Variants in HERC2 observed in about 807,000 individuals in gnomAD.
The protein encoded by HERC2 is HECT and RLD domain containing E3 ubiquitin protein ligase 2, also known as E3 ubiquitin-protein ligase HERC2.
In HERC2, 102 loss-of-function variants were observed where a neutral mutation model predicts 537.7. The observed-to-expected ratio is 0.19, with a 90% confidence interval of 0.16 to 0.22. The LOEUF is 0.22. Ranked by LOEUF, HERC2 falls within the 10% of genes least tolerant of loss-of-function variation. The probability of loss-of-function intolerance (pLI) is 1.00; values close to 1 mark genes in which losing one functional copy is unlikely to be tolerated. For missense variants in HERC2, 4,236 were observed against 6,198.2 expected, an observed-to-expected ratio of 0.68 and a Z score of 10.63; for synonymous variants, 2,224 against 2,466.2, an observed-to-expected ratio of 0.90 and a Z score of 2.91.
chr15:28,194,986 G>A (rs538647487), intron 52 of HERC2, among the ~76,000 whole-genome samples: 62 of 151,432 alleles, frequency 4.1e-4, no homozygotes, highest in African/African-American at 1.5e-3. Context: ...AGCCCGGGAG[G>A]TGTCAGTTAC....
At chr15:28,186,417 T>A (rs1396304223) in intron 56 of HERC2, among the ~76,000 whole-genome samples, 160 bp downstream of exon 56, 4 of 152,210 alleles carry the variant, frequency 2.6e-5, no homozygotes, top group East Asian at 1.9e-4. Flanking sequence ...CTTTATTTTT[T>A]AAAAAATACA....
chr15:28,206,623 G>C (rs897384573), intron 44 of HERC2, among the ~76,000 whole-genome samples: 5 of 151,704 alleles, frequency 3.3e-5, no homozygotes, highest in African/African-American at 1.2e-4. Context: ...CACAAGGTCA[G>C]GATATCAAGA....
chr15:28,156,882 G>A lies in HERC2; in HGVS notation c.10747-4052C>T, dbSNP rs552955567. Among the ~76,000 whole-genome samples, 12 of 152,278 alleles carry A rather than the reference G, an allele frequency of 7.9e-5. No homozygotes were observed. In the South Asian group the frequency reaches 2.3e-3, roughly 29 times the overall value. ...TTGCCCATTCAGTATGATATTGGCT[G>A]TGGGTTTGTCATAAATAGCTCATTA... On this transcript the variant is annotated intron_variant, in intron 69 of 92. Coordinates refer to ENST00000261609, the MANE Select transcript of HERC2 (RefSeq NM_004667.6).
rs910385194 is a variant in HERC2 at position 28,269,173 on chromosome 15, C to A, written c.1446+75G>T. On this transcript the variant is annotated intron_variant, in intron 11 of 92. Coordinates refer to ENST00000261609, the MANE Select transcript of HERC2 (RefSeq NM_004667.6). ...AGAAATCAAACGCCTTAAAGAAACACCAGAGCTTGTGCATCTGTAGGACAG... is the reference window on the plus strand; with the variant it reads ...AGAAATCAAACGCCTTAAAGAAACAACAGAGCTTGTGCATCTGTAGGACAG... 1.3e-5 allele frequency: 15 copies of A among 1,190,490 alleles called. No individual in the cohort carries two copies. The African/African-American group carries it at 2.3e-4, about 18-fold the overall frequency. The allele number at this position is 1,190,490 out of a possible 1,614,324, so 73.7% of individuals were successfully genotyped here.
intron 64 of HERC2, among the ~76,000 whole-genome samples, chr15:28,175,192 C>G (rs899493659): frequency 6.6e-6 from 1 of 151,370 alleles, no homozygotes; most frequent in Admixed American, 6.6e-5. Context: ...TCGCCAGTTA[C>G]CAATTCTCTA....
At chr15:28,119,533 A>C (rs1242864542) in intron 86 of HERC2, among the ~76,000 whole-genome samples, 2 of 151,596 alleles carry the variant, frequency 1.3e-5, no homozygotes, top group Admixed American at 6.5e-5. Context: ...GGCTCACTAC[A>C]ACCTCTGCCT....
intron 17 of HERC2, among the ~76,000 whole-genome samples, 188 bp from the exon 18 acceptor site, chr15:28,256,505 C>A (rs1269276089): frequency 7.9e-5 from 12 of 152,118 alleles, no homozygotes; most frequent in Non-Finnish European, 1.0e-4. Flanking sequence ...CTAGAGGAAT[C>A]TTTTTAACCC....
intron 88 of HERC2, 137 bp from the exon 89 acceptor site, chr15:28,115,678 G>A (rs1476095716): frequency 4.8e-6 from 3 of 620,190 alleles, no homozygotes; most frequent in Admixed American, 2.7e-5. Context: ...CACATCATAG[G>A]TCTAGGCCCT....
chr15:28,192,014 G>A lies in HERC2; in HGVS notation c.8398C>T (p.Arg2800Cys), dbSNP rs201095943. ...CAGGGCTCGCTGCCGTCAATGAGAC[G>A]GGATGCCTGGTTCACGGAGGACGAC... ...NVSSSVNQAS[R>C]LIDGSEPCWQ... The change falls in exon 53 of 93, where the codon CGT (arginine) becomes TGT (cysteine). Residue 2800 changes from arginine (R) to cysteine (C), a missense_variant. Arg to Cys is a radical substitution (Grantham distance 180). This residue lies in a region of HERC2 where 606 missense variants were observed against 884.5 expected (regional missense o/e 0.69). Transcript: ENST00000261609. The A allele has an allele frequency of 5.6e-5, 91 of 1,613,766 alleles. No individual in the cohort carries two copies. The highest frequency in any genetic ancestry group is 7.1e-5 in the Non-Finnish European group (84 of 1,180,014).
Position 28,112,034 on chromosome 15 carries a change from A to ATGTT in HERC2, c.14233_14234insAACA (p.Val4745GlufsTer5). 6.2e-7 allele frequency: 1 copy of ATGTT among 1,613,378 alleles called. No individual in the cohort carries two copies. On this transcript the variant is annotated frameshift_variant and splice_region_variant, in exon 93 of 93. Coordinates refer to ENST00000261609, the MANE Select transcript of HERC2 (RefSeq NM_004667.6). LOFTEE classifies it high-confidence loss of function. Reference sequence around the variant, plus strand: ...GTCTGGAGGGTTGTATTTATCCAACACCTGTTGAGCAGAAACATGAAGTGA... The same window carrying ATGTT: ...GTCTGGAGGGTTGTATTTATCCAACATGTTCCTGTTGAGCAGAAACATGAAGTGA...
intron 38 of HERC2, among the ~76,000 whole-genome samples, chr15:28,217,425 C>G (rs1226022360): frequency 6.6e-6 from 1 of 152,320 alleles, no homozygotes; most frequent in Non-Finnish European, 1.5e-5. Flanking sequence ...AACACACTCA[C>G]TCTCATCAAT....
rs553717825 is a variant in HERC2 at position 28,148,667 on chromosome 15, G to C, written c.10901-2323C>G. On this transcript the variant is annotated intron_variant, in intron 70 of 92. Coordinates refer to ENST00000261609, the MANE Select transcript of HERC2 (RefSeq NM_004667.6). ...AACGGCCACACGAACGCACATTCTA[G>C]TAACACTACCGAAGAAACACATGCG... Among the ~76,000 whole-genome samples, 7 of 150,564 alleles carry C rather than the reference G, an allele frequency of 4.6e-5. No individual in the cohort carries two copies. The South Asian group carries it at 1.5e-3, about 32-fold the overall frequency.
chr15:28,145,437 G>T (rs1891636182), intron 71 of HERC2, among the ~76,000 whole-genome samples: 1 of 152,174 alleles, frequency 6.6e-6, no homozygotes, highest in Non-Finnish European at 1.5e-5. Context: ...GCTTTCCACT[G>T]GATGCAGAAA....
Position 28,265,899 on chromosome 15 carries a change from G to GC in HERC2, c.1673dup (p.Cys558TrpfsTer32). 2 of 1,614,146 alleles carry GC rather than the reference G, an allele frequency of 1.2e-6. No homozygotes were observed. The highest frequency in any genetic ancestry group is 1.7e-6 in the Non-Finnish European group (2 of 1,180,008). On this transcript the variant is annotated frameshift_variant, in exon 13 of 93. Transcript: ENST00000261609. LOFTEE classifies it high-confidence loss of function. This position sits in a 1 kb window ranked among gnomAD's most constrained non-coding sequence, Gnocchi z 4.0. The stretch of plus-strand genomic sequence containing the variant: ...TGATGGCCGCACTGTAAGTGCTCCC[G>GC]CAAGCGATGTGCACCACGTGCTTCC...
At chr15:28,282,916 G>C (rs1271067406) in intron 4 of HERC2, among the ~76,000 whole-genome samples, 1 of 151,002 alleles carries the variant, frequency 6.6e-6, no homozygotes, top group Non-Finnish European at 1.5e-5. Flanking sequence ...GGGAAACAGG[G>C]AGAGACTCCG....
At position 28,257,242 on chromosome 15, in the gene HERC2, C is replaced by T. The variant is rs1208414774; in HGVS notation, c.2336G>A (p.Cys779Tyr). 1.9e-6 allele frequency: 3 copies of T among 1,613,890 alleles called. No individual in the cohort carries two copies. The highest frequency in any genetic ancestry group is 1.3e-5 in the African/African-American group (1 of 75,048). The change falls in exon 17 of 93, where the codon TGT becomes TAT. Residue 779 changes from cysteine (C) to tyrosine (Y), a missense_variant. Transcript: ENST00000261609. ...GPAQSFAWSSCSEWSIGLRVP... is the reference protein window; with the variant it reads ...GPAQSFAWSSYSEWSIGLRVP... ...ACGGAGGCCAATGGACCACTCAGAA[C>T]ATGATGACCAAGCAAAGCTCTAAGA... is the stretch of plus-strand genomic sequence containing the variant.
At chr15:28,130,744 T>G in intron 81 of HERC2, 150 bp from the exon 82 acceptor site, 1 of 692,894 alleles carries the variant, frequency 1.4e-6, no homozygotes, top group Middle Eastern at 2.5e-4. Flanking sequence ...ATATTCCACT[T>G]AATCTCAGCA....
chr15:28,171,260 G>A (rs575523004), intron 65 of HERC2, among the ~76,000 whole-genome samples: 7 of 152,304 alleles, frequency 4.6e-5, no homozygotes, highest in East Asian at 3.9e-4. Context: ...TTGAGTATTC[G>A]ATGGAATACT....
At chr15:28,303,128 A>G (rs1287839631) in intron 2 of HERC2, among the ~76,000 whole-genome samples, 5 of 152,112 alleles carry the variant, frequency 3.3e-5, no homozygotes, top group Non-Finnish European at 7.4e-5. Flanking sequence ...TAGCACTTTC[A>G]TAGTCTGAAG....
Sources: gnomAD v4.1 joint callset for allele counts (sites outside exome capture counted in the v4.1 genomes callset) on GRCh38, gnomAD v4.1.1 for gene constraint, gnomAD v4.1.1 regional missense constraint, Gnocchi (gnomAD v3.1) non-coding constraint, MANE v1.5 for transcripts, NCBI Gene and HGNC (gene_info 2026-07-23, HGNC 2026-07-21) for gene names.